The following ENOX1 variants were observed in gnomAD, a reference collection of about 807,000 sequenced individuals.
ENOX1 encodes the protein candidate growth-related and time keeping constitutive hydroquinone (NADH) oxidase.
In ENOX1, 42 loss-of-function variants were observed where a neutral mutation model predicts 82.5. The observed-to-expected ratio is 0.51, with a 90% confidence interval of 0.40 to 0.66. ENOX1 has a LOEUF of 0.66. Among genes scored for constraint, ENOX1 ranks in the 30% least tolerant of loss-of-function variants. The pLI, the probability that ENOX1 is intolerant of heterozygous loss-of-function variation, is 0.00. For synonymous variants in ENOX1, 271 were observed against 282.2 expected, an observed-to-expected ratio of 0.96 and a Z score of 0.40; for missense variants, 608 against 811.6, an observed-to-expected ratio of 0.75 and a Z score of 3.05.
chr13:43,265,969 G>A (rs540878009), intron 13 of ENOX1, among the ~76,000 whole-genome samples: 3 of 152,208 alleles, frequency 2.0e-5, no homozygotes, highest in South Asian at 2.1e-4. Context: ...TGCTTCTTTG[G>A]TAGAGAAAGA....
intron 5 of ENOX1, among the ~76,000 whole-genome samples, chr13:43,397,565 A>T (rs1462612567): frequency 6.6e-6 from 1 of 152,240 alleles, no homozygotes; most frequent in Non-Finnish European, 1.5e-5. Flanking sequence ...CCTTGTGGTC[A>T]GAAAGACTTA....
intron 2 of ENOX1, among the ~76,000 whole-genome samples, chr13:43,636,049 A>C (rs1279082888): frequency 1.2e-4 from 18 of 152,124 alleles, no homozygotes; most frequent in Non-Finnish European, 5.9e-5. Flanking sequence ...CTTCATTCCT[A>C]GAGTGGGGAC....
chr13:43,460,826 AAAAAT>A (rs2057448431), intron 3 of ENOX1, among the ~76,000 whole-genome samples: 2 of 19,060 alleles, frequency 1.0e-4, no homozygotes, highest in Non-Finnish European at 2.4e-4. Context: ...AAAAAAAAAA[AAAAAT>A]AGGGATAGCT....
intron 1 of ENOX1, among the ~76,000 whole-genome samples, chr13:43,726,580 C>T (rs541460837): frequency 2.6e-5 from 4 of 152,256 alleles, no homozygotes; most frequent in Non-Finnish European, 5.9e-5. Context: ...AAAAAATGAA[C>T]TGTTGGAGAA....
At chr13:43,284,693 CT>C (rs2045585213) in intron 12 of ENOX1, among the ~76,000 whole-genome samples, 1 of 152,014 alleles carries the variant, frequency 6.6e-6, no homozygotes, top group South Asian at 2.1e-4. Context: ...TCCTTGGAAA[CT>C]TACTGACAAA....
rs73186108 is a variant in ENOX1, at chr13:43,653,470, G to A, written c.-219+14009C>T. ...TCTTCAAAGTATTAATTTTTAAAGC[G>A]GCCAAAATTGCTAACAACCAGGGAA... is the stretch of plus-strand genomic sequence containing the variant. On this transcript the variant is annotated intron_variant, in intron 2 of 16. Transcript: ENST00000690772. Among the ~76,000 whole-genome samples, 494 of 152,128 alleles carry A rather than the reference G, an allele frequency of 3.2e-3. 1 individual carries two copies. The highest frequency in any genetic ancestry group is 0.021 in the Middle Eastern group (6 of 292).
At chr13:43,730,818 A>G (rs1243024436) in intron 1 of ENOX1, among the ~76,000 whole-genome samples, 1 of 152,146 alleles carries the variant, frequency 6.6e-6, no homozygotes, top group Non-Finnish European at 1.5e-5. Context: ...TTTTTGCTCC[A>G]GCTGTTCCTT....
At chr13:43,671,964 T>C (rs1251454123) in intron 1 of ENOX1, among the ~76,000 whole-genome samples, 1 of 152,226 alleles carries the variant, frequency 6.6e-6, no homozygotes, top group Non-Finnish European at 1.5e-5. Flanking sequence ...TCATCAATAG[T>C]GTTCCAGATA....
At chr13:43,500,528 A>G (rs2076943937) in intron 2 of ENOX1, among the ~76,000 whole-genome samples, 1 of 152,066 alleles carries the variant, frequency 6.6e-6, no homozygotes, top group African/African-American at 2.4e-5. Context: ...GTTCCAAGAC[A>G]AATGAAAACT....
chr13:43,358,877 A>G (rs2050316793), intron 7 of ENOX1, among the ~76,000 whole-genome samples: 1 of 151,846 alleles, frequency 6.6e-6, no homozygotes, highest in Non-Finnish European at 1.5e-5. Context: ...TTTAGTTTTT[A>G]TTTTCTACTT....
chr13:43,340,399 C>T (rs898843906), intron 9 of ENOX1, among the ~76,000 whole-genome samples: 1 of 152,236 alleles, frequency 6.6e-6, no homozygotes, highest in Non-Finnish European at 1.5e-5. Flanking sequence ...GATGTGTACA[C>T]CGTGGCCAGC....
At chr13:43,290,555 C>T (rs2045940821) in intron 12 of ENOX1, among the ~76,000 whole-genome samples, 1 of 152,130 alleles carries the variant, frequency 6.6e-6, no homozygotes, top group South Asian at 2.1e-4. Context: ...ACACTGAGTA[C>T]ACATGGACAT....
chr13:43,654,680 T>G (rs1389464884), intron 2 of ENOX1, among the ~76,000 whole-genome samples: 1 of 152,206 alleles, frequency 6.6e-6, no homozygotes, highest in African/African-American at 2.4e-5. Flanking sequence ...ATTTCCATAG[T>G]CAACCCTAAG....
At chr13:43,683,448 G>T (rs965536425) in intron 1 of ENOX1, among the ~76,000 whole-genome samples, 3 of 152,062 alleles carry the variant, frequency 2.0e-5, no homozygotes, top group Non-Finnish European at 1.5e-5. Context: ...TTCCCAATGA[G>T]ATGCAGGGCA....
intron 16 of ENOX1, among the ~76,000 whole-genome samples, chr13:43,216,708 A>T (rs879420638): frequency 1.3e-5 from 2 of 152,180 alleles, no homozygotes; most frequent in African/African-American, 2.4e-5. Context: ...CTGCCAGCCC[A>T]CCAGCACCTT....
chr13:43,516,598 C>T (rs1385569209), intron 2 of ENOX1, among the ~76,000 whole-genome samples: 3 of 152,156 alleles, frequency 2.0e-5, no homozygotes. Flanking sequence ...AATTCTTTTG[C>T]ACAAGAACAT....
chr13:43,773,674 C>G (rs900962872), intron 1 of ENOX1, among the ~76,000 whole-genome samples: 2 of 152,210 alleles, frequency 1.3e-5, no homozygotes, highest in Non-Finnish European at 2.9e-5. Context: ...TGTCACTTCA[C>G]CCTCATTATG....
At chr13:43,446,462 T>C (rs1386277344) in intron 3 of ENOX1, among the ~76,000 whole-genome samples, 1 of 152,036 alleles carries the variant, frequency 6.6e-6, no homozygotes, top group East Asian at 1.9e-4. Context: ...TAAACCTGAG[T>C]TTCTTGATGG....
intron 3 of ENOX1, among the ~76,000 whole-genome samples, chr13:43,448,871 G>A (rs919163328): frequency 1.4e-4 from 22 of 152,202 alleles, no homozygotes; most frequent in African/African-American, 4.3e-4. Context: ...AGTTTAAAAC[G>A]GGTAACATAC....
Sources: gnomAD v4.1 joint callset for allele counts (sites outside exome capture counted in the v4.1 genomes callset) on GRCh38, gnomAD v4.1.1 for gene constraint, MANE v1.5 for transcripts, NCBI Gene and HGNC (gene_info 2026-07-23, HGNC 2026-07-21) for gene names.